OPRM1: variants seen among roughly 807,000 people sequenced by gnomAD.
The protein encoded by OPRM1 is opioid receptor mu 1, also known as mu-type opioid receptor.
OPRM1 carries 27 observed loss-of-function variants against 31.8 expected under a neutral mutation model. The observed-to-expected ratio is 0.85, with a 90% CI of 0.63 to 1.17. The LOEUF (loss-of-function observed/expected upper bound fraction) is 1.17, where lower values mean the gene tolerates loss of function less well. OPRM1 is among the 50% of genes most tolerant of loss of function. OPRM1 has a pLI of 0.00. For synonymous variants in OPRM1, 196 were observed against 189.9 expected (o/e 1.03, Z -0.26); for missense variants, 536 against 511.1 (o/e 1.05, Z -0.47).
rs78531536 is a variant in OPRM1 at position 154,015,511 on chromosome 6, G to A, written c.-1+4493G>A. On this transcript the variant is annotated intron_variant, in intron 1 of 5. Transcript: ENST00000434900. Reference sequence around the variant, plus strand: ...TACATCATACATGAGAATAAATTCCGAAGGGATCAAAAAGTAGATTCTAAA... The same window carrying A: ...TACATCATACATGAGAATAAATTCCAAAGGGATCAAAAAGTAGATTCTAAA... Among the ~76,000 whole-genome samples, 489 of 151,966 alleles carry A rather than the reference G, an allele frequency of 3.2e-3. 2 individuals are homozygous for A. The highest frequency in any genetic ancestry group is 0.011 in the African/African-American group (473 of 41,488).
Position 154,039,649 on chromosome 6 carries a change from C to G in OPRM1, c.105C>G (p.Ser35=), listed in dbSNP as rs1285161589. The change falls in exon 1 of 4, where the codon TCC becomes TCG. Residue 35 remains serine (S), a synonymous_variant. Coordinates refer to ENST00000330432, the MANE Select transcript of OPRM1 (RefSeq NM_000914.5). ...APSPGSWVNL[S]HLDGNLSDPC... ...GCCCCGGTTCCTGGGTCAACTTGTC[C>G]CACTTAGATGGCAACCTGTCCGACC... 1 of 1,613,700 alleles carries G rather than the reference C, an allele frequency of 6.2e-7. No homozygotes were observed. The highest frequency in any genetic ancestry group is 1.3e-5 in the African/African-American group (1 of 74,916).
In OPRM1 at chr6:154,127,041, G is replaced by A. The variant is rs1019905094; in HGVS notation, c.*8320G>A. Among the ~76,000 whole-genome samples, 7 of 150,718 alleles carry A rather than the reference G, an allele frequency of 4.6e-5. No homozygotes were observed. Among genetic ancestry groups the A allele is most frequent in the Admixed American group, 2.0e-4 (3 of 15,070 alleles). ...GGAGAATTGCTTGAACTGGGGAGGCGGAAGTTGCAGTGAGCCAAGATCGCA... is the reference window on the plus strand; with the variant it reads ...GGAGAATTGCTTGAACTGGGGAGGCAGAAGTTGCAGTGAGCCAAGATCGCA... On this transcript the variant is annotated 3_prime_UTR_variant, in exon 4 of 4. Coordinates refer to ENST00000330432, the MANE Select transcript of OPRM1 (RefSeq NM_000914.5).
chr6:154,114,472 T>C (rs1281122325), intron 3 of OPRM1, among the ~76,000 whole-genome samples: 1 of 151,972 alleles, frequency 6.6e-6, no homozygotes, highest in Non-Finnish European at 1.5e-5. Context: ...GAGAGGCTTG[T>C]CCTGTGTTTT....
chr6:154,134,146 A>G (rs963739769), downstream of OPRM1, among the ~76,000 whole-genome samples: 1 of 152,244 alleles, frequency 6.6e-6, no homozygotes, highest in Non-Finnish European at 1.5e-5. Flanking sequence ...AAAGATCACT[A>G]GGAGGCAACA....
chr6:154,230,665 C>A (rs923132900), intron 3 of OPRM1, among the ~76,000 whole-genome samples: 1 of 152,044 alleles, frequency 6.6e-6, no homozygotes, highest in African/African-American at 2.4e-5. Context: ...TCATGTAGTT[C>A]CTGGTTAAAA....
At chr6:154,146,304 G>A (rs149085869) in intron 3 of OPRM1, among the ~76,000 whole-genome samples, 332 of 152,324 alleles carry the variant, frequency 2.2e-3, no homozygotes, top group African/African-American at 7.6e-3. Context: ...GGACGCTGAG[G>A]CACAAGAATC....
At chr6:154,033,810 C>T (rs1204601097) in intron 1 of OPRM1, among the ~76,000 whole-genome samples, 1 of 152,108 alleles carries the variant, frequency 6.6e-6, no homozygotes, top group Non-Finnish European at 1.5e-5. Context: ...AAGACTCTTT[C>T]CATGGATCAA....
intron 1 of OPRM1, chr6:154,089,625 C>T (rs1050189377): frequency 1.6e-5 from 9 of 568,012 alleles, no homozygotes; most frequent in Admixed American, 6.6e-5. Context: ...AAAGCAGCAT[C>T]GTTGCTATTA....
At chr6:154,180,403 TATATATATATA>T (rs1800747445) in intron 3 of OPRM1, among the ~76,000 whole-genome samples, 1 of 42,804 alleles carries the variant, frequency 2.3e-5, no homozygotes, top group African/African-American at 6.8e-5. Context: ...TATATATATA[TATATATATATA>T]TTTTTTTTTT....
chr6:154,228,080 C>T (rs1224642956), intron 3 of OPRM1, among the ~76,000 whole-genome samples: 1 of 152,064 alleles, frequency 6.6e-6, no homozygotes, highest in African/African-American at 2.4e-5. Flanking sequence ...CCTCCTCCTC[C>T]GCTTCTCCAG....
chr6:154,170,343 A>G (rs1445662995), intron 3 of OPRM1, among the ~76,000 whole-genome samples: 2 of 152,210 alleles, frequency 1.3e-5, no homozygotes, highest in Non-Finnish European at 2.9e-5. Context: ...CAGCCTCTCC[A>G]TAGGGTGGAG....
intron 3 of OPRM1, among the ~76,000 whole-genome samples, chr6:154,191,672 TCAACAACAA>T (rs140096033): frequency 4.3e-4 from 64 of 149,678 alleles, no homozygotes; most frequent in Admixed American, 6.6e-4. Context: ...AGACTTTGCC[TCAACAACAA>T]CAACAACAAC....
intron 3 of OPRM1, chr6:154,218,925 A>G (rs1235827224): frequency 3.3e-5 from 5 of 152,304 alleles, no homozygotes; most frequent in Non-Finnish European, 7.3e-5. Context: ...AGTAAAATGA[A>G]CAGATCTTCA....
intron 3 of OPRM1, among the ~76,000 whole-genome samples, chr6:154,195,694 A>C (rs1000066930): frequency 6.6e-6 from 1 of 150,536 alleles, no homozygotes; most frequent in Non-Finnish European, 1.5e-5. Context: ...TGTGGCACCT[A>C]TTTTACTCTG....
chr6:154,236,120 T>C (rs749195712), intron 3 of OPRM1, among the ~76,000 whole-genome samples: 3 of 152,176 alleles, frequency 2.0e-5, no homozygotes, highest in Non-Finnish European at 2.9e-5. Flanking sequence ...TTATTCACAA[T>C]AGCCAAAAGG....
At chr6:154,187,332 T>C (rs938907913) in intron 3 of OPRM1, among the ~76,000 whole-genome samples, 30 of 152,204 alleles carry the variant, frequency 2.0e-4, no homozygotes, top group Non-Finnish European at 2.5e-4. Context: ...GAATCTATCA[T>C]ACGTGCTGTT....
At position 154,193,159 on chromosome 6, in the gene OPRM1, C is replaced by A. The variant is rs549522908; in HGVS notation, c.1165-53534C>A. On this transcript the variant is annotated intron_variant, in intron 3 of 3. Coordinates refer to the OPRM1 transcript ENST00000337049. ...ACAAGTGGATAAAGAAACTGTGGTACATATATACCATAGAATACTACTCAG... is the reference window on the plus strand; with the variant it reads ...ACAAGTGGATAAAGAAACTGTGGTAAATATATACCATAGAATACTACTCAG... 4.7e-4 allele frequency among the ~76,000 whole-genome samples: 72 copies of A among 152,106 alleles called. 1 individual carries two copies. The highest frequency in any genetic ancestry group is 1.2e-4 in the Non-Finnish European group (8 of 68,016).
intron 3 of OPRM1, among the ~76,000 whole-genome samples, chr6:154,149,343 C>T (rs1244025876): frequency 6.6e-6 from 1 of 152,130 alleles, no homozygotes; most frequent in Non-Finnish European, 1.5e-5. Context: ...ACAAGAACAG[C>T]ATGGGGGTAA....
At chr6:154,205,814 T>G (rs1385457087) in intron 3 of OPRM1, among the ~76,000 whole-genome samples, 1 of 152,120 alleles carries the variant, frequency 6.6e-6, no homozygotes, top group Non-Finnish European at 1.5e-5. Flanking sequence ...GCTATCATAT[T>G]TGATTATTCC....
Sources: gnomAD v4.1 joint callset for allele counts (sites outside exome capture counted in the v4.1 genomes callset) on GRCh38, gnomAD v4.1.1 for gene constraint, MANE v1.5 for transcripts, NCBI Gene and HGNC (gene_info 2026-07-23, HGNC 2026-07-21) for gene names.